The following MORC3 variants were observed in gnomAD, a reference collection of about 807,000 sequenced individuals.
MORC3 encodes the protein MORC family CW-type zinc finger 3.
Under a neutral mutation model 109.1 loss-of-function variants are expected in MORC3, and 31 were observed. That is an observed-to-expected ratio of 0.28 (90% CI 0.21 to 0.38). MORC3 has a LOEUF of 0.38. Ranked by LOEUF, MORC3 falls within the 10% of genes least tolerant of loss-of-function variation. The probability of loss-of-function intolerance (pLI) is 1.00; values close to 1 mark genes in which losing one functional copy is unlikely to be tolerated. For synonymous variants in MORC3, 395 were observed against 380.7 expected, an observed-to-expected ratio of 1.04 and a Z score of -0.44; for missense variants, 867 against 1,135.8, an observed-to-expected ratio of 0.76 and a Z score of 3.40.
chr21:36,350,024 G>T (rs563729945), intron 9 of MORC3, among the ~76,000 whole-genome samples: 25 of 152,306 alleles, frequency 1.6e-4, no homozygotes, highest in African/African-American at 6.0e-4. Context: ...AAAAAAGTCA[G>T]CCAGGTGCAG....
chr21:36,365,763 G>A (rs918211718), intron 14 of MORC3, among the ~76,000 whole-genome samples: 1 of 152,030 alleles, frequency 6.6e-6, no homozygotes, highest in South Asian at 2.1e-4. Context: ...TGTATTTTTA[G>A]TAGAGACAGG....
intron 14 of MORC3, among the ~76,000 whole-genome samples, chr21:36,367,022 C>CTGAAGG (rs748099578): frequency 2.6e-5 from 4 of 152,100 alleles, no homozygotes; most frequent in Non-Finnish European, 5.9e-5. Context: ...TTGGGGACTG[C>CTGAAGG]TGAAGGTGGA....
intron 14 of MORC3, among the ~76,000 whole-genome samples, chr21:36,367,599 G>A (rs1246182450): frequency 6.6e-6 from 1 of 152,192 alleles, no homozygotes; most frequent in Non-Finnish European, 1.5e-5. Flanking sequence ...AGAATGGGAC[G>A]TAGGCACTGG....
chr21:36,373,037 T>G (rs1422491649), intron 16 of MORC3, among the ~76,000 whole-genome samples: 4 of 152,036 alleles, frequency 2.6e-5, no homozygotes, highest in Non-Finnish European at 5.9e-5. Context: ...TAGGAAGAAG[T>G]CCTATTAAAA....
At chr21:36,369,952 C>G (rs929045918) in intron 15 of MORC3, 76 bp downstream of exon 15, 9 of 1,520,834 alleles carry the variant, frequency 5.9e-6, no homozygotes, top group Non-Finnish European at 8.0e-6. Flanking sequence ...GTTGGCTGGG[C>G]GCGGTGGCTC....
intron 8 of MORC3, 143 bp downstream of exon 8, chr21:36,345,174 T>A: frequency 2.3e-6 from 2 of 883,610 alleles, no homozygotes; most frequent in South Asian, 1.9e-5. Context: ...AAAATAACAC[T>A]GTGGTATTTG....
At chr21:36,346,409 G>A (rs1569097898) in intron 8 of MORC3, among the ~76,000 whole-genome samples, 2 of 152,100 alleles carry the variant, frequency 1.3e-5, no homozygotes, top group African/African-American at 2.4e-5. Flanking sequence ...AGGAAGTTGG[G>A]GACCAGACAC....
At chr21:36,371,270 C>T (rs1220231434) in intron 15 of MORC3, among the ~76,000 whole-genome samples, 1 of 152,154 alleles carries the variant, frequency 6.6e-6, no homozygotes, top group Non-Finnish European at 1.5e-5. Context: ...ATTTGCTACT[C>T]ATGCAAACAC....
chr21:36,320,378 G>A, intron 1 of MORC3, 75 bp downstream of exon 1: 1 of 1,258,912 alleles, frequency 7.9e-7, no homozygotes, highest in Non-Finnish European at 1.0e-6. Context: ...GCCGGCAGTG[G>A]GCGGTGGCGG....
chr21:36,344,877 G>T, intron 7 of MORC3, 35 bp from the exon 8 acceptor site: 1 of 1,609,380 alleles, frequency 6.2e-7, no homozygotes, highest in South Asian at 1.1e-5. Context: ...AACTGAGTGA[G>T]GTGTTGTGTT....
intron 9 of MORC3, among the ~76,000 whole-genome samples, chr21:36,352,809 TAA>T (rs2085588461): frequency 6.6e-6 from 1 of 151,830 alleles, no homozygotes; most frequent in Admixed American, 6.6e-5. Flanking sequence ...ACTGATAACA[TAA>T]ATAGTTGATT....
At chr21:36,335,195 G>A (rs2085362454) in intron 2 of MORC3, among the ~76,000 whole-genome samples, 1 of 151,852 alleles carries the variant, frequency 6.6e-6, no homozygotes, top group African/African-American at 2.4e-5. Context: ...TTAGGCATAT[G>A]TTTAAGAAAC....
chr21:36,337,170 C>G (rs1160569296), intron 3 of MORC3, among the ~76,000 whole-genome samples, 164 bp downstream of exon 3: 1 of 152,152 alleles, frequency 6.6e-6, no homozygotes, highest in Non-Finnish European at 1.5e-5. Context: ...GATGATGAGT[C>G]AGTCTTCACC....
At chr21:36,338,547 G>A (rs558938924) in intron 4 of MORC3, among the ~76,000 whole-genome samples, 1 of 151,760 alleles carries the variant, frequency 6.6e-6, no homozygotes, top group Non-Finnish European at 1.5e-5. Context: ...AAAATTAGCC[G>A]GTCGTGGTGG....
chr21:36,335,899 T>C (rs1463700615), intron 2 of MORC3, among the ~76,000 whole-genome samples: 3 of 152,140 alleles, frequency 2.0e-5, no homozygotes, highest in Non-Finnish European at 4.4e-5. Flanking sequence ...TCCCCTACAA[T>C]AGCCAGGTTA....
intron 3 of MORC3, 96 bp from the exon 4 acceptor site, chr21:36,337,636 A>G (rs2085388795): frequency 2.3e-6 from 2 of 856,116 alleles, no homozygotes; most frequent in Middle Eastern, 3.8e-4. Context: ...TTGGTATTAC[A>G]ATTAATGAAT....
chr21:36,322,653 T>C (rs2085206290), intron 1 of MORC3, among the ~76,000 whole-genome samples: 1 of 152,244 alleles, frequency 6.6e-6, no homozygotes, highest in East Asian at 1.9e-4. Context: ...ATTACAGGCC[T>C]GAGCCACTGT....
At position 36,373,722 on chromosome 21, in the gene MORC3, A is replaced by G. The variant is rs193063633; in HGVS notation, c.2666+1191A>G. Among the ~76,000 whole-genome samples the G allele has an allele frequency of 5.9e-5, 9 of 152,284 alleles. No individual in the cohort carries two copies. In the East Asian group the frequency reaches 1.7e-3, roughly 29 times the overall value. ...CACAAAAAAACATGCTCAAAATCAC[A>G]TTCTCCGCATTATCAGACTAAGGAA... On this transcript the variant is annotated intron_variant, in intron 16 of 16. Coordinates refer to ENST00000400485, the MANE Select transcript of MORC3 (RefSeq NM_015358.3).
intron 8 of MORC3, 28 bp from the exon 9 acceptor site, chr21:36,349,283 A>C: frequency 6.6e-7 from 1 of 1,504,804 alleles, no homozygotes; most frequent in Non-Finnish European, 9.2e-7. Flanking sequence ...CTTATGCTTA[A>C]AATGCTGATT....
Sources: gnomAD v4.1 joint callset for allele counts (sites outside exome capture counted in the v4.1 genomes callset) on GRCh38, gnomAD v4.1.1 for gene constraint, MANE v1.5 for transcripts, NCBI Gene and HGNC (gene_info 2026-07-23, HGNC 2026-07-21) for gene names.